ZDHHC11: variants seen among roughly 807,000 people sequenced by gnomAD.
The protein encoded by ZDHHC11 is zDHHC palmitoyltransferase 11, also known as palmitoyltransferase ZDHHC11.
ZDHHC11 carries 44 observed loss-of-function variants against 51.3 expected under a neutral mutation model. The ratio of observed to expected loss-of-function variants is 0.86; its 90% confidence interval spans 0.67 to 1.10. The LOEUF is 1.10. Ranked by LOEUF, ZDHHC11 falls within the 50% of genes least tolerant of loss-of-function variation. ZDHHC11 has a pLI of 0.00. For missense variants in ZDHHC11, 400 were observed against 537.7 expected, an observed-to-expected ratio of 0.74 and a Z score of 2.53; for synonymous variants, 163 against 222.0, an observed-to-expected ratio of 0.73 and a Z score of 2.36.
intron 11 of ZDHHC11, among the ~76,000 whole-genome samples, chr5:804,168 A>G (rs1056663476): frequency 1.3e-5 from 2 of 151,332 alleles, no homozygotes; most frequent in African/African-American, 4.9e-5. Context: ...TAAATGGAAA[A>G]TTCCAGAAAT....
chr5:819,497 G>T, intron 10 of ZDHHC11, 28 bp downstream of exon 10: 2 of 1,601,694 alleles, frequency 1.2e-6, no homozygotes, highest in South Asian at 2.2e-5. Context: ...CCCTGTCCTC[G>T]GGGACAGCGC....
intron 5 of ZDHHC11, among the ~76,000 whole-genome samples, chr5:837,953 C>T (rs374530420): frequency 1.3e-5 from 2 of 151,876 alleles, no homozygotes; most frequent in African/African-American, 4.8e-5. Context: ...GTGGGGCGCA[C>T]CTTGGGGGAT....
chr5:845,511 G>A (rs1439655034), intron 3 of ZDHHC11, among the ~76,000 whole-genome samples: 1 of 152,246 alleles, frequency 6.6e-6, no homozygotes, highest in Non-Finnish European at 1.5e-5. Flanking sequence ...AACCTGCAGA[G>A]TCCGAGGCCA....
intron 1 of ZDHHC11, among the ~76,000 whole-genome samples, chr5:856,903 C>T (rs1342094111): frequency 6.6e-6 from 1 of 150,886 alleles, no homozygotes; most frequent in East Asian, 2.0e-4. Flanking sequence ...TACACCAAAC[C>T]ACACACCACA....
At chr5:856,723 G>A (rs1560874055) in intron 1 of ZDHHC11, among the ~76,000 whole-genome samples, 2 of 146,258 alleles carry the variant, frequency 1.4e-5, no homozygotes, top group Admixed American at 6.8e-5. Context: ...ACCACACAGG[G>A]ACCACACAAT....
chr5:824,125 AACCTC>A, intron 8 of ZDHHC11: 1 of 453,550 alleles, frequency 2.2e-6, no homozygotes, highest in East Asian at 7.0e-5. Context: ...ACACACCTGT[AACCTC>A]CAGAAGCTGG....
chr5:839,713 A>C (rs1182605060), intron 5 of ZDHHC11: 1 of 154,824 alleles, frequency 6.5e-6, no homozygotes, highest in Non-Finnish European at 1.4e-5. Context: ...GTGAGCCCAG[A>C]GCCTGACCCA....
At position 806,597 on chromosome 5, in the gene ZDHHC11, C is replaced by T. The variant is rs201803607; in HGVS notation, c.1182-5433G>A. On this transcript the variant is annotated intron_variant, in intron 11 of 12. Coordinates refer to ENST00000283441, the MANE Select transcript of ZDHHC11 (RefSeq NM_024786.3). ...ATATTAAATTAAACATGGAGTTAAG[C>T]TGCACATGGACAGACTCTATCTGTA... Among the ~76,000 whole-genome samples, 10 of 151,290 alleles carry T rather than the reference C, an allele frequency of 6.6e-5. No individual in the cohort carries two copies. The East Asian group carries it at 1.5e-3, about 23-fold the overall frequency.
upstream of ZDHHC11, among the ~76,000 whole-genome samples, chr5:860,448 A>G (rs1165265806): frequency 6.6e-6 from 1 of 152,212 alleles, no homozygotes; most frequent in Admixed American, 6.5e-5. The surrounding 1 kb of genome is among the most constrained non-coding windows in gnomAD (Gnocchi z 4.2). Flanking sequence ...GATGCTGTCT[A>G]AAGATTGAGG....
chr5:816,793 G>C, intron 10 of ZDHHC11: 1 of 477,922 alleles, frequency 2.1e-6, no homozygotes, highest in Non-Finnish European at 4.1e-6. Flanking sequence ...TGCTATTTGG[G>C]AGCTGCCCTC....
intron 8 of ZDHHC11, 117 bp from the exon 9 acceptor site, chr5:822,012 A>G: frequency 2.3e-6 from 2 of 886,210 alleles, no homozygotes; most frequent in Non-Finnish European, 3.5e-6. Flanking sequence ...TGGTACATCA[A>G]GGTTGCCTGG....
chr5:842,655 T>G (rs1484466075), intron 4 of ZDHHC11: 2 of 985,480 alleles, frequency 2.0e-6, no homozygotes, highest in African/African-American at 3.5e-5. Flanking sequence ...CAGGTCCTCC[T>G]GGTCAGGGTC....
intron 4 of ZDHHC11, among the ~76,000 whole-genome samples, chr5:842,915 C>T (rs1388501338): frequency 6.6e-6 from 1 of 152,270 alleles, no homozygotes; most frequent in Non-Finnish European, 1.5e-5. Flanking sequence ...CTGTGTCTCT[C>T]CTTTCTCTTA....
chr5:859,301 A>G (rs112091850), upstream of ZDHHC11, among the ~76,000 whole-genome samples: 1,138 of 152,228 alleles, frequency 7.5e-3, 13 homozygotes, highest in African/African-American at 0.025. Flanking sequence ...GTCTAAGATG[A>G]AAGTTTACTA....
intron 11 of ZDHHC11, among the ~76,000 whole-genome samples, chr5:810,481 T>C (rs71593347): frequency 5.4e-4 from 79 of 147,074 alleles, no homozygotes; most frequent in Non-Finnish European, 6.7e-4. Context: ...TCCCACAAAA[T>C]AGACCTGTGA....
rs1269145821 is a variant in ZDHHC11, at chr5:828,345, G to A, written c.936-3094C>T. ...GAGGCACCCCCCACCTCCCAGATGC[G>A]GCAGCTGGCCGGGTGGAGGTGCCCC... On this transcript the variant is annotated intron_variant, in intron 7 of 12. Coordinates refer to ENST00000283441, the MANE Select transcript of ZDHHC11 (RefSeq NM_024786.3). Among the ~76,000 whole-genome samples the A allele has an allele frequency of 6.6e-5, 10 of 150,946 alleles. No individual in the cohort carries two copies. In the South Asian group the frequency reaches 1.3e-3, roughly 19 times the overall value.
chr5:821,442 T>C (rs1253160076), intron 9 of ZDHHC11: 1 of 161,864 alleles, frequency 6.2e-6, no homozygotes, highest in Non-Finnish European at 1.4e-5. Flanking sequence ...GCTTCTTTGC[T>C]GCTGAAGGGG....
rs1747083843 is a variant in ZDHHC11, at chr5:850,755, C to A, written c.-153G>T. ...GCACTGCCTGGGGCCACGTTCCCCG[C>A]AGAGGGAGCAGGGGCTGGGCTGGAG... On this transcript the variant is annotated 5_prime_UTR_variant, in exon 1 of 13. Coordinates refer to ENST00000283441, the MANE Select transcript of ZDHHC11 (RefSeq NM_024786.3). 6.6e-6 allele frequency: 6 copies of A among 910,440 alleles called. No individual in the cohort carries two copies. Among genetic ancestry groups the A allele is most frequent in the Non-Finnish European group, 9.8e-6 (6 of 611,970 alleles). 56.4% of individuals were successfully genotyped at this position (910,440 alleles called of 1,614,324 possible).
intron 5 of ZDHHC11, among the ~76,000 whole-genome samples, chr5:837,884 G>A: frequency 6.6e-6 from 1 of 151,960 alleles, no homozygotes; most frequent in East Asian, 1.9e-4. Context: ...CAGCTCAGGA[G>A]GGGCCGCTCT....
Sources: allele counts gnomAD v4.1 joint callset (sites outside exome capture counted in the v4.1 genomes callset), GRCh38; gene constraint gnomAD v4.1.1; non-coding constraint Gnocchi (gnomAD v3.1); transcripts MANE v1.5; gene names NCBI Gene and HGNC (gene_info 2026-07-23, HGNC 2026-07-21).